The following NRG1 variants were observed in gnomAD, a reference collection of about 807,000 sequenced individuals.
The protein encoded by NRG1 is pro-neuregulin-1, membrane-bound isoform.
NRG1 carries 18 observed loss-of-function variants against 63.8 expected under a neutral mutation model. The ratio of observed to expected loss-of-function variants is 0.28; its 90% CI spans 0.19 to 0.42. The LOEUF (loss-of-function observed/expected upper bound fraction) is 0.42. Ranked by LOEUF, NRG1 falls within the 10% of genes least tolerant of loss-of-function variation. The pLI, the probability that NRG1 is intolerant of heterozygous loss-of-function variation, is 1.00. For synonymous variants in NRG1, 302 were observed against 301.3 expected (o/e 1.00, Z -0.02); for missense variants, 762 against 814.7 (o/e 0.94, Z 0.79).
intron 5 of NRG1, among the ~76,000 whole-genome samples, chr8:32,727,464 T>G (rs1302987720): frequency 6.6e-6 from 1 of 152,188 alleles, no homozygotes; most frequent in Non-Finnish European, 1.5e-5. Context: ...CCAACTTGTG[T>G]TTCTTTTTCA....
At chr8:32,215,776 T>C (rs1203761206) in intron 1 of NRG1, among the ~76,000 whole-genome samples, 5 of 152,172 alleles carry the variant, frequency 3.3e-5, no homozygotes, top group Admixed American at 2.6e-4. Flanking sequence ...GTGCAGTGGC[T>C]CACACCTGTA....
rs375991531 is a variant in NRG1, at chr8:32,021,185, A to G, written c.37+381754A>G. On this transcript the variant is annotated intron_variant, in intron 1 of 10. Coordinates refer to the NRG1 transcript ENST00000519301. Reference sequence around the variant, plus strand: ...GAAAAAATGCCTTAGTCTGTTTGGTATTGCTACAAAAGAACACCTGAGACT... The same window carrying G: ...GAAAAAATGCCTTAGTCTGTTTGGTGTTGCTACAAAAGAACACCTGAGACT... 4.6e-5 allele frequency among the ~76,000 whole-genome samples: 7 copies of G among 152,266 alleles called. No homozygotes were observed. In the East Asian group the frequency reaches 1.4e-3, roughly 29 times the overall value.
chr8:32,109,864 A>G (rs1219124578), intron 1 of NRG1, among the ~76,000 whole-genome samples: 2 of 152,166 alleles, frequency 1.3e-5, no homozygotes, highest in East Asian at 1.9e-4. Context: ...TATTAGTTGC[A>G]GTCTCAGCCT....
At chr8:31,813,332 G>A (rs1322714968) in intron 1 of NRG1, among the ~76,000 whole-genome samples, 5 of 151,966 alleles carry the variant, frequency 3.3e-5, no homozygotes, top group Non-Finnish European at 5.9e-5. Flanking sequence ...CTTTGGTGCA[G>A]GCATGCACTA....
At chr8:31,639,882 G>T in intron 1 of NRG1, 1 of 1,086,560 alleles carries the variant, frequency 9.2e-7, no homozygotes, top group Non-Finnish European at 1.1e-6. Flanking sequence ...GGCAAGGGGG[G>T]AGGAGGAGGA....
chr8:32,601,452 A>T (rs997400010), intron 2 of NRG1, among the ~76,000 whole-genome samples: 14 of 152,136 alleles, frequency 9.2e-5, no homozygotes, highest in African/African-American at 3.4e-4. Context: ...CACCCTATAC[A>T]TTTTTGAATG....
intron 1 of NRG1, among the ~76,000 whole-genome samples, chr8:32,585,276 A>G (rs959411224): frequency 1.3e-5 from 2 of 152,210 alleles, no homozygotes; most frequent in African/African-American, 4.8e-5. Context: ...TTTGCTACAC[A>G]TCAATTAGGT....
intron 1 of NRG1, among the ~76,000 whole-genome samples, chr8:32,257,606 AT>A (rs1399054847): frequency 6.6e-6 from 1 of 152,076 alleles, no homozygotes; most frequent in Non-Finnish European, 1.5e-5. Flanking sequence ...TCAGTCCATA[AT>A]TTTTTTAAGT....
intron 1 of NRG1, among the ~76,000 whole-genome samples, chr8:31,813,370 G>T (rs1420865033): frequency 6.6e-6 from 1 of 152,040 alleles, no homozygotes; most frequent in Non-Finnish European, 1.5e-5. Context: ...AGAAAATTGG[G>T]TATCAGTTGC....
intron 1 of NRG1, among the ~76,000 whole-genome samples, chr8:31,967,899 G>T (rs1806628384): frequency 6.6e-6 from 1 of 152,112 alleles, no homozygotes; most frequent in Admixed American, 6.5e-5. Flanking sequence ...AAAGCTTCCA[G>T]CCCTCCCAGA....
chr8:32,085,373 A>T (rs1049871454), intron 1 of NRG1, among the ~76,000 whole-genome samples: 16 of 152,120 alleles, frequency 1.1e-4, no homozygotes, highest in African/African-American at 3.9e-4. Flanking sequence ...TGCTTCTATG[A>T]GTTTGACTAT....
At chr8:32,542,048 T>C (rs1006151084) in intron 1 of NRG1, among the ~76,000 whole-genome samples, 1 of 152,180 alleles carries the variant, frequency 6.6e-6, no homozygotes, top group Non-Finnish European at 1.5e-5. Context: ...TTTCATCCAT[T>C]ATCACTTTGT....
At chr8:32,690,548 C>T (rs1209099061) in intron 5 of NRG1, among the ~76,000 whole-genome samples, 5 of 82,400 alleles carry the variant, frequency 6.1e-5, no homozygotes, top group African/African-American at 2.8e-4. Context: ...CTGCAAGACA[C>T]GGAACCCAGT....
intron 1 of NRG1, among the ~76,000 whole-genome samples, chr8:32,433,112 T>C (rs1005014825): frequency 2.0e-5 from 3 of 152,156 alleles, no homozygotes; most frequent in African/African-American, 7.2e-5. Context: ...ACAGTCATTG[T>C]GCTGGGTGGT....
At chr8:31,748,516 G>A (rs10954812) in intron 1 of NRG1, among the ~76,000 whole-genome samples, 147,028 of 152,020 alleles carry the variant, frequency 0.97, 71,277 homozygotes, top group East Asian at 1. Flanking sequence ...TTTGGAATGC[G>A]TATAACCATA....
chr8:31,750,473 G>T (rs907576889), intron 1 of NRG1, among the ~76,000 whole-genome samples: 3 of 151,930 alleles, frequency 2.0e-5, no homozygotes, highest in African/African-American at 7.2e-5. Flanking sequence ...CCAAGGTGGT[G>T]ATCTGTAAAA....
chr8:31,880,346 G>A (rs1010269206), intron 1 of NRG1, among the ~76,000 whole-genome samples: 14 of 152,162 alleles, frequency 9.2e-5, no homozygotes, highest in Admixed American at 3.3e-4. Context: ...AAGAAGGGTG[G>A]AGTAGTTAAT....
intron 1 of NRG1, among the ~76,000 whole-genome samples, chr8:32,502,271 G>A (rs1416478144): frequency 1.3e-5 from 2 of 151,242 alleles, no homozygotes; most frequent in South Asian, 2.1e-4. Context: ...AATTTTAAAT[G>A]ACCAGATCTT....
chr8:31,789,613 A>G (rs1284507210), intron 1 of NRG1, among the ~76,000 whole-genome samples: 5 of 152,208 alleles, frequency 3.3e-5, no homozygotes, highest in Non-Finnish European at 5.9e-5. Context: ...CGAGTAAGTG[A>G]GGAAAGTTGT....
Sources: gnomAD v4.1 joint callset for allele counts (sites outside exome capture counted in the v4.1 genomes callset) on GRCh38, gnomAD v4.1.1 for gene constraint, MANE v1.5 for transcripts, NCBI Gene and HGNC (gene_info 2026-07-23, HGNC 2026-07-21) for gene names.